Variants in ACVR1C observed in about 807,000 individuals in gnomAD.
ACVR1C encodes activin A receptor type 1C.
ACVR1C carries 23 observed loss-of-function variants against 57.9 expected under a neutral mutation model. The observed-to-expected ratio is 0.40, with a 90% CI of 0.29 to 0.56. ACVR1C has a LOEUF of 0.56. Among genes scored for constraint, ACVR1C ranks in the 20% least tolerant of loss-of-function variants. The pLI, the probability that ACVR1C is intolerant of heterozygous loss-of-function variation, is 0.50. For synonymous variants in ACVR1C, 214 were observed against 215.3 expected, an observed-to-expected ratio of 0.99 and a Z score of 0.05; for missense variants, 480 against 607.9, an observed-to-expected ratio of 0.79 and a Z score of 2.21.
chr2:157,541,239 TTCTG>T (rs766471801), intron 6 of ACVR1C, 25 bp from the exon 7 acceptor site: 3 of 1,606,826 alleles, frequency 1.9e-6, no homozygotes, highest in African/African-American at 1.3e-5. Flanking sequence ...ACATTTCAGA[TTCTG>T]TCTATGACTT....
intron 1 of ACVR1C, among the ~76,000 whole-genome samples, chr2:157,591,251 C>T (rs943837810): frequency 1.1e-4 from 16 of 151,768 alleles, no homozygotes; most frequent in African/African-American, 2.9e-4. Flanking sequence ...AGATTCTAGA[C>T]GGTCACACAG....
intron 1 of ACVR1C, among the ~76,000 whole-genome samples, chr2:157,598,565 A>G (rs1353476091): frequency 6.9e-6 from 1 of 145,938 alleles, no homozygotes; most frequent in Non-Finnish European, 1.5e-5. Context: ...TTTGAGATGG[A>G]GTCTCACTCT....
intron 2 of ACVR1C, among the ~76,000 whole-genome samples, chr2:157,586,240 G>A (rs893604816): frequency 6.6e-6 from 1 of 151,882 alleles, no homozygotes; most frequent in Admixed American, 6.6e-5. Flanking sequence ...TGGTGGTAGT[G>A]ATATTATATT....
At chr2:157,595,020 T>A (rs892040149) in intron 1 of ACVR1C, among the ~76,000 whole-genome samples, 8 of 152,242 alleles carry the variant, frequency 5.3e-5, no homozygotes, top group Non-Finnish European at 1.2e-4. Flanking sequence ...ATCAGCGTGG[T>A]GATTAACTGA....
intron 3 of ACVR1C, among the ~76,000 whole-genome samples, chr2:157,555,431 G>A (rs1397915572): frequency 2.0e-5 from 3 of 152,140 alleles, no homozygotes; most frequent in Admixed American, 1.3e-4. Flanking sequence ...TACTTTGAAC[G>A]CTTTACCTGG....
intron 8 of ACVR1C, among the ~76,000 whole-genome samples, chr2:157,536,810 C>G (rs980571591): frequency 5.9e-5 from 9 of 152,118 alleles, no homozygotes; most frequent in African/African-American, 2.2e-4. Flanking sequence ...TGACATAAAA[C>G]AAGACAGAAA....
intron 2 of ACVR1C, among the ~76,000 whole-genome samples, chr2:157,575,612 C>T (rs1688627394): frequency 6.6e-6 from 1 of 152,188 alleles, no homozygotes; most frequent in Non-Finnish European, 1.5e-5. Flanking sequence ...CCTCCAAACA[C>T]TGCCATTTAT....
chr2:157,542,912 T>A, intron 5 of ACVR1C, 50 bp from the exon 6 acceptor site: 2 of 1,551,566 alleles, frequency 1.3e-6, no homozygotes, highest in Non-Finnish European at 1.7e-6. Context: ...CGGAGACTGT[T>A]CAAGAGAAAT....
intron 1 of ACVR1C, among the ~76,000 whole-genome samples, chr2:157,593,608 G>A (rs151001638): frequency 1.0e-3 from 156 of 152,238 alleles, no homozygotes; most frequent in South Asian, 3.3e-3. Context: ...TTTTCAGTGT[G>A]CTGAATATGA....
intron 3 of ACVR1C, among the ~76,000 whole-genome samples, chr2:157,554,239 G>GAA (rs1302496236): frequency 1.5e-4 from 17 of 115,848 alleles, no homozygotes; most frequent in African/African-American, 7.0e-4. Flanking sequence ...AAGAAAGAAA[G>GAA]AAAGAAAGAA....
intron 1 of ACVR1C, among the ~76,000 whole-genome samples, chr2:157,598,858 C>A (rs1163070590): frequency 6.6e-6 from 1 of 151,894 alleles, no homozygotes; most frequent in Non-Finnish European, 1.5e-5. Context: ...TTTTCTAATA[C>A]AAATTATTAA....
At chr2:157,606,524 G>C (rs983720803) in intron 1 of ACVR1C, among the ~76,000 whole-genome samples, 9 of 151,782 alleles carry the variant, frequency 5.9e-5, no homozygotes, top group Admixed American at 4.6e-4. Context: ...TCTCATGGTG[G>C]TTTTGATTTG....
At chr2:157,617,033 A>G (rs1682668537) in intron 1 of ACVR1C, among the ~76,000 whole-genome samples, 1 of 152,084 alleles carries the variant, frequency 6.6e-6, no homozygotes, top group African/African-American at 2.4e-5. Context: ...GGTAAAAGTG[A>G]AGAACTAACT....
intron 5 of ACVR1C, among the ~76,000 whole-genome samples, chr2:157,543,651 A>C (rs1276902078): frequency 6.6e-6 from 1 of 152,238 alleles, no homozygotes; most frequent in Non-Finnish European, 1.5e-5. Flanking sequence ...TCATGAGTTC[A>C]AATGTGAGAA....
chr2:157,584,173 T>TA (rs769359004), intron 2 of ACVR1C, among the ~76,000 whole-genome samples: 7,474 of 142,428 alleles, frequency 0.052, 235 homozygotes, highest in Non-Finnish European at 0.08. Context: ...CAGAAGAAGA[T>TA]AAAAAAAAAA....
chr2:157,606,489 C>T (rs943449052), intron 1 of ACVR1C, among the ~76,000 whole-genome samples: 7 of 151,880 alleles, frequency 4.6e-5, no homozygotes, highest in African/African-American at 1.4e-4. Flanking sequence ...TTACTAATAG[C>T]CTTTCTAACT....
chr2:157,623,501 G>A (rs1682831750), intron 1 of ACVR1C, among the ~76,000 whole-genome samples: 1 of 152,070 alleles, frequency 6.6e-6, no homozygotes, highest in Non-Finnish European at 1.5e-5. Context: ...AAATAAGCCA[G>A]GAACAGAAAG....
At chr2:157,586,459 T>C (rs1192972054) in intron 2 of ACVR1C, among the ~76,000 whole-genome samples, 1 of 152,126 alleles carries the variant, frequency 6.6e-6, no homozygotes, top group Non-Finnish European at 1.5e-5. Context: ...ATATTAAAAA[T>C]CTTAAAGAAA....
rs1003742694 is a variant in ACVR1C, at chr2:157,529,460, G to A, written c.*4458C>T. The A allele has an allele frequency of 2.6e-5, 4 of 152,082 alleles. No individual in the cohort carries two copies. Among genetic ancestry groups the A allele is most frequent in the South Asian group, 2.1e-4 (1 of 4,826 alleles). 9.4% of individuals were successfully genotyped at this position (152,082 alleles called of 1,614,324 possible). A position where few individuals can be genotyped will look rare whatever the true frequency, so the allele number is the denominator to read the frequency against. On this transcript the variant is annotated 3_prime_UTR_variant, in exon 9 of 9. Coordinates refer to ENST00000243349, the MANE Select transcript of ACVR1C (RefSeq NM_145259.3). ...CACATTACGTTAGTGTGCATTCAAG[G>A]TAGGTTTAGATGCATGCGAATTAAT...
Sources: allele counts gnomAD v4.1 joint callset (sites outside exome capture counted in the v4.1 genomes callset), GRCh38; gene constraint gnomAD v4.1.1; transcripts MANE v1.5; gene names NCBI Gene and HGNC (gene_info 2026-07-23, HGNC 2026-07-21).